Variants in ATP9B observed in about 807,000 individuals in gnomAD.
ATP9B encodes probable phospholipid-transporting ATPase IIB.
ATP9B carries 110 observed loss-of-function variants against 146.1 expected under a neutral mutation model. The observed-to-expected ratio is 0.75, with a 90% CI of 0.65 to 0.88. The LOEUF (loss-of-function observed/expected upper bound fraction) is 0.88. Ranked by LOEUF, ATP9B falls within the 40% of genes least tolerant of loss-of-function variation. ATP9B has a pLI of 0.00. For synonymous variants in ATP9B, 604 were observed against 569.7 expected (o/e 1.06, Z -0.86); for missense variants, 1,499 against 1,496.4 (o/e 1.00, Z -0.03).
At chr18:79,266,220 G>A (rs2096202427) in intron 12 of ATP9B, among the ~76,000 whole-genome samples, 1 of 152,012 alleles carries the variant, frequency 6.6e-6, no homozygotes, top group African/African-American at 2.4e-5. Flanking sequence ...AGATACTTGG[G>A]ATTTTTAAAA....
rs566020914 is a variant in ATP9B, at chr18:79,136,124, A to C, written c.668-7678A>C. On this transcript the variant is annotated intron_variant, in intron 5 of 29. Coordinates refer to ENST00000426216, the MANE Select transcript of ATP9B (RefSeq NM_198531.5). ...ATCTAACAACTAATACTAGTGTATT[A>C]ATACAACTAATTATTAATACAACTA... Among the ~76,000 whole-genome samples, 23 of 151,412 alleles carry C rather than the reference A, an allele frequency of 1.5e-4. No homozygotes were observed. In the South Asian group the frequency reaches 4.8e-3, roughly 31 times the overall value.
intron 2 of ATP9B, among the ~76,000 whole-genome samples, chr18:79,102,499 A>G (rs1322163785): frequency 6.6e-6 from 1 of 152,142 alleles, no homozygotes; most frequent in African/African-American, 2.4e-5. Flanking sequence ...CCATCTCATC[A>G]GTGTGTCAGT....
chr18:79,102,893 G>A (rs1364077306), intron 2 of ATP9B, among the ~76,000 whole-genome samples: 1 of 152,210 alleles, frequency 6.6e-6, no homozygotes, highest in Non-Finnish European at 1.5e-5. Context: ...GATCGTAAAT[G>A]GTTTGGTATT....
chr18:79,224,254 A>G (rs191946678), intron 11 of ATP9B, among the ~76,000 whole-genome samples: 1 of 152,320 alleles, frequency 6.6e-6, no homozygotes, highest in Admixed American at 6.5e-5. Context: ...TTAGAAATGT[A>G]TGGACCTTGT....
chr18:79,368,140 T>TCTGCGCTGC (rs1239565958), intron 26 of ATP9B, among the ~76,000 whole-genome samples: 1 of 152,220 alleles, frequency 6.6e-6, no homozygotes, highest in Non-Finnish European at 1.5e-5. Context: ...CATGGGGCTG[T>TCTGCGCTGC]CTGCGCTGCT....
At chr18:79,256,286 TAC>T (rs1555791765) in intron 12 of ATP9B, among the ~76,000 whole-genome samples, 4 of 123,058 alleles carry the variant, frequency 3.3e-5, no homozygotes, top group African/African-American at 3.3e-5. Context: ...TATATATATA[TAC>T]ATACATAGTG....
intron 13 of ATP9B, among the ~76,000 whole-genome samples, chr18:79,281,913 G>C (rs117816687): frequency 0.032 from 4,924 of 152,304 alleles, 119 homozygotes; most frequent in Non-Finnish European, 0.042. Context: ...CTTCTGGAAA[G>C]GATTCACGAT....
intron 12 of ATP9B, among the ~76,000 whole-genome samples, chr18:79,271,735 A>G (rs1355476711): frequency 6.0e-4 from 91 of 152,250 alleles, no homozygotes; most frequent in Non-Finnish European, 1.1e-3. Flanking sequence ...ATGATTTATA[A>G]TCCTTTGGGT....
chr18:79,193,367 T>C, intron 9 of ATP9B, 104 bp downstream of exon 9: 1 of 978,934 alleles, frequency 1.0e-6, no homozygotes, highest in South Asian at 1.5e-5. Flanking sequence ...AAACAGAAGT[T>C]TCAAACTAGG....
chr18:79,200,739 C>T, intron 9 of ATP9B, among the ~76,000 whole-genome samples: 1 of 152,288 alleles, frequency 6.6e-6, no homozygotes. Context: ...CTGTCGGGGT[C>T]AGAGCAGAGG....
At chr18:79,334,682 C>T (rs555499170) in intron 17 of ATP9B, among the ~76,000 whole-genome samples, 2 of 152,236 alleles carry the variant, frequency 1.3e-5, no homozygotes, top group African/African-American at 4.8e-5. Flanking sequence ...CAGACGTTGG[C>T]CCCTTGGGCA....
At chr18:79,286,561 C>G (rs2096444611) in intron 13 of ATP9B, among the ~76,000 whole-genome samples, 1 of 152,142 alleles carries the variant, frequency 6.6e-6, no homozygotes, top group South Asian at 2.1e-4. Context: ...ATGTCATCTG[C>G]AAACAGGGAC....
chr18:79,094,957 C>CT (rs1379623985), intron 1 of ATP9B, among the ~76,000 whole-genome samples: 1 of 152,154 alleles, frequency 6.6e-6, no homozygotes, highest in Non-Finnish European at 1.5e-5. Flanking sequence ...GCCTTTTGGC[C>CT]TCTGGGTACT....
chr18:79,205,071 G>A (rs560955787), intron 9 of ATP9B, among the ~76,000 whole-genome samples: 1 of 152,208 alleles, frequency 6.6e-6, no homozygotes, highest in East Asian at 1.9e-4. Flanking sequence ...TGATCCCCAG[G>A]GCCCTGAGAG....
intron 7 of ATP9B, among the ~76,000 whole-genome samples, chr18:79,155,403 G>A (rs1001987835): frequency 2.6e-5 from 4 of 152,212 alleles, no homozygotes; most frequent in African/African-American, 9.6e-5. Context: ...AAAATCTGTT[G>A]GAAATTGGGA....
intron 13 of ATP9B, among the ~76,000 whole-genome samples, chr18:79,302,703 C>G (rs2096599008): frequency 6.6e-6 from 1 of 152,192 alleles, no homozygotes; most frequent in Non-Finnish European, 1.5e-5. Flanking sequence ...GAAGCACATT[C>G]AGATAGCCCA....
Position 79,342,170 on chromosome 18 carries a change from G to A in ATP9B, c.2284-98G>A. 7 of 827,996 alleles carry A rather than the reference G, an allele frequency of 8.5e-6. No individual in the cohort carries two copies. The South Asian group carries it at 1.0e-4, about 12-fold the overall frequency. 51.3% of individuals were successfully genotyped at this position (827,996 alleles called of 1,614,324 possible). ...TCATTTATCTATTGACGGGCACCTG[G>A]GTTGCTTCCACCTTTTGGCTGTTGT... On this transcript the variant is annotated intron_variant, in intron 19 of 29. Coordinates refer to ENST00000426216, the MANE Select transcript of ATP9B (RefSeq NM_198531.5).
At chr18:79,269,736 C>G (rs956769985) in intron 12 of ATP9B, among the ~76,000 whole-genome samples, 2 of 152,208 alleles carry the variant, frequency 1.3e-5, no homozygotes, top group Admixed American at 6.5e-5. Flanking sequence ...ACACTTGCTT[C>G]TGCTGTGTAC....
chr18:79,148,702 C>A (rs2094632486), intron 6 of ATP9B, among the ~76,000 whole-genome samples: 1 of 152,104 alleles, frequency 6.6e-6, no homozygotes, highest in Non-Finnish European at 1.5e-5. Flanking sequence ...AATGGCACTT[C>A]TAGTCTGTAA....
Sources: gnomAD v4.1 joint callset for allele counts (sites outside exome capture counted in the v4.1 genomes callset) on GRCh38, gnomAD v4.1.1 for gene constraint, MANE v1.5 for transcripts, NCBI Gene and HGNC (gene_info 2026-07-23, HGNC 2026-07-21) for gene names.